SEMA6A: variants seen among roughly 807,000 people sequenced by gnomAD.
The protein encoded by SEMA6A is semaphorin-6A.
Under a neutral mutation model 96.8 loss-of-function variants are expected in SEMA6A, and 25 were observed. The observed-to-expected ratio is 0.26, with a 90% CI of 0.19 to 0.36. The LOEUF is 0.36. Among genes scored for constraint, SEMA6A ranks in the 10% least tolerant of loss-of-function variants. The pLI, the probability that SEMA6A is intolerant of heterozygous loss-of-function variation, is 1.00. For missense variants in SEMA6A, 1,363 were observed against 1,323.1 expected, an observed-to-expected ratio of 1.03 and a Z score of -0.47; for synonymous variants, 612 against 518.0, an observed-to-expected ratio of 1.18 and a Z score of -2.46.
chr5:116,449,263 G>A (rs566723596), intron 18 of SEMA6A: 3 of 701,698 alleles, frequency 4.3e-6, no homozygotes, highest in East Asian at 2.7e-5. Flanking sequence ...CATGGGCTGA[G>A]GAAATGTAAA....
Position 116,446,049 on chromosome 5 carries a change from T to C in SEMA6A, c.*564A>G, listed in dbSNP as rs1356275496. ...ACACTGGCGGGCATTTCACAGTATT[T>C]GCGCATAGTAAACTTCTGCCATTGT... On this transcript the variant is annotated 3_prime_UTR_variant, in exon 19 of 19. Coordinates refer to ENST00000343348, the MANE Select transcript of SEMA6A (RefSeq NM_020796.5). 1 of 152,708 alleles carries C rather than the reference T, an allele frequency of 6.5e-6. No homozygotes were observed. The highest frequency in any genetic ancestry group is 1.5e-5 in the Non-Finnish European group (1 of 68,070). 9.5% of individuals were successfully genotyped at this position (152,708 alleles called of 1,614,324 possible). A position where few individuals can be genotyped will look rare whatever the true frequency, so the allele number is the denominator to read the frequency against.
chr5:116,572,834 G>A (rs1443403094), intron 1 of SEMA6A, among the ~76,000 whole-genome samples: 1 of 152,210 alleles, frequency 6.6e-6, no homozygotes, highest in Non-Finnish European at 1.5e-5. Context: ...CACATGCTGA[G>A]CCCCAGTCCG....
At chr5:116,463,230 A>G (rs946428754) in intron 18 of SEMA6A, among the ~76,000 whole-genome samples, 1 of 152,188 alleles carries the variant, frequency 6.6e-6, no homozygotes, top group Non-Finnish European at 1.5e-5. Flanking sequence ...AGACTGAAAG[A>G]GCATTGAAAA....
In SEMA6A at chr5:116,488,253, C is replaced by G. The variant is rs189473268; in HGVS notation, c.656-57G>C. 4 of 1,161,706 alleles carry G rather than the reference C, an allele frequency of 3.4e-6. No individual in the cohort carries two copies. The Admixed American group carries it at 7.7e-5, about 22-fold the overall frequency. The allele number at this position is 1,161,706 out of a possible 1,614,324, so 72.0% of individuals were successfully genotyped here. On this transcript the variant is annotated intron_variant, in intron 8 of 18. Transcript: ENST00000343348. The stretch of plus-strand genomic sequence containing the variant: ...ATGTCAAACAGAGTTAACAGAATTT[C>G]AATCAAGTGTAGCCAAAGACATGTT...
At chr5:116,557,794 T>C (rs1474472139) in intron 1 of SEMA6A, among the ~76,000 whole-genome samples, 1 of 152,182 alleles carries the variant, frequency 6.6e-6, no homozygotes, top group Admixed American at 6.5e-5. Flanking sequence ...GCTGACTAGA[T>C]GGTAGCATTC....
At chr5:116,551,916 C>T (rs1201771796) in intron 1 of SEMA6A, among the ~76,000 whole-genome samples, 2 of 152,312 alleles carry the variant, frequency 1.3e-5, no homozygotes, top group African/African-American at 4.8e-5. Flanking sequence ...TGACAGCTAT[C>T]GTAGGACTTT....
rs1402657835 is a variant in SEMA6A at position 116,475,580 on chromosome 5, T to C, written c.1673A>G (p.Glu558Gly). 1 of 1,604,226 alleles carries C rather than the reference T, an allele frequency of 6.2e-7. No homozygotes were observed. Among genetic ancestry groups the C allele is most frequent in the Non-Finnish European group, 8.5e-7 (1 of 1,175,298 alleles). The change falls in exon 16 of 19, where the codon GAG becomes GGG. Residue 558 changes from glutamate to glycine, a missense_variant. This residue lies in a region of SEMA6A where 883 missense variants were observed against 763.6 expected (regional missense o/e 1.16). Coordinates refer to ENST00000343348, the MANE Select transcript of SEMA6A (RefSeq NM_020796.5). ...CCCCAGACCATCTGTATTGCCACGCTCTATGTCCTGCTCAAAAGTCAGTCT... is the reference window on the plus strand; with the variant it reads ...CCCCAGACCATCTGTATTGCCACGCCCTATGTCCTGCTCAAAAGTCAGTCT... The part of the protein sequence containing the change: ...NSRLTFEQDI[E>G]RGNTDGLGDC...
At chr5:116,566,997 C>G (rs762935625) in intron 1 of SEMA6A, among the ~76,000 whole-genome samples, 3 of 152,284 alleles carry the variant, frequency 2.0e-5, no homozygotes, top group Non-Finnish European at 4.4e-5. Context: ...TTCAACTCAT[C>G]CCTAAAATTG....
At chr5:116,538,053 T>A in intron 1 of SEMA6A, among the ~76,000 whole-genome samples, 1 of 152,182 alleles carries the variant, frequency 6.6e-6, no homozygotes, top group East Asian at 1.9e-4. Context: ...CGCATGCCTG[T>A]AATCTCAGCT....
chr5:116,503,229 A>C (rs1757977332), intron 2 of SEMA6A, among the ~76,000 whole-genome samples: 3 of 152,268 alleles, frequency 2.0e-5, no homozygotes, highest in South Asian at 4.1e-4. Context: ...TGGGGGTGTA[A>C]ATGATGACTA....
rs1754309557 is a variant in SEMA6A, at chr5:116,447,505, G to C, written c.2201C>G (p.Thr734Ser). The C allele has an allele frequency of 1.2e-6, 2 of 1,613,980 alleles. No individual in the cohort carries two copies. Among genetic ancestry groups the C allele is most frequent in the African/African-American group, 1.3e-5 (1 of 74,954 alleles). ...GAGCATCTTGGCCGTGTTGCCGGGA[G>C]TGGCGAGCTTGCCGTTGTGCATGAG... is the stretch of plus-strand genomic sequence containing the variant. ...TPLMHNGKLA[T>S]PGNTAKMLIK... is the part of the protein sequence containing the mutation. Residue 734 changes from threonine to serine, a missense_variant, in exon 19 of 19, where the codon ACT (threonine) becomes AGT (serine). Transcript: ENST00000343348.
At chr5:116,449,248 C>A (rs1754476039) in intron 18 of SEMA6A, 2 of 698,348 alleles carry the variant, frequency 2.9e-6, no homozygotes. Context: ...ACATTAGAGG[C>A]ACTGCATGGG....
intron 18 of SEMA6A, among the ~76,000 whole-genome samples, chr5:116,456,893 C>T (rs1472589375): frequency 6.6e-6 from 1 of 152,166 alleles, no homozygotes; most frequent in African/African-American, 2.4e-5. Flanking sequence ...TAGGGGATGC[C>T]AAAATCTTTA....
At chr5:116,539,516 T>G (rs1759868615) in intron 1 of SEMA6A, among the ~76,000 whole-genome samples, 1 of 152,152 alleles carries the variant, frequency 6.6e-6, no homozygotes, top group Non-Finnish European at 1.5e-5. Flanking sequence ...TAGGTTGTAC[T>G]CCTGAGAAAT....
intron 18 of SEMA6A, among the ~76,000 whole-genome samples, chr5:116,459,911 A>G (rs558730743): frequency 6.6e-6 from 1 of 152,240 alleles, no homozygotes; most frequent in South Asian, 2.1e-4. Context: ...TGTTTGTTCA[A>G]TTTCTGTTGA....
intron 1 of SEMA6A, among the ~76,000 whole-genome samples, chr5:116,535,506 T>C (rs1480074693): frequency 2.6e-5 from 4 of 152,174 alleles, no homozygotes; most frequent in African/African-American, 7.2e-5. Flanking sequence ...TTTGAATGAT[T>C]AGAAACTGTG....
chr5:116,570,406 A>T (rs543729090), intron 1 of SEMA6A, among the ~76,000 whole-genome samples: 1 of 152,206 alleles, frequency 6.6e-6, no homozygotes, highest in Non-Finnish European at 1.5e-5. Context: ...CTTCCTCAAC[A>T]TGCACAAATG....
At chr5:116,464,859 T>C (rs1382863065) in intron 18 of SEMA6A, among the ~76,000 whole-genome samples, 1 of 151,988 alleles carries the variant, frequency 6.6e-6, no homozygotes, top group African/African-American at 2.4e-5. Context: ...ATCTGCAGAG[T>C]AGAGCCATGG....
rs1757540194 is a variant in SEMA6A, at chr5:116,495,347, G to C, written c.444+66C>G. On this transcript the variant is annotated intron_variant, in intron 6 of 18. Coordinates refer to ENST00000343348, the MANE Select transcript of SEMA6A (RefSeq NM_020796.5). ...AATTACCCCTCTTAGGTTGCTGCAG[G>C]TACAATCACAGTAAATTATGAAATG... 1.8e-5 allele frequency: 21 copies of C among 1,190,294 alleles called. 1 individual carries two copies. In the South Asian group the frequency reaches 2.3e-4, roughly 13 times the overall value. The allele number at this position is 1,190,294 out of a possible 1,614,324, so 73.7% of individuals were successfully genotyped here.
Sources: gnomAD v4.1 joint callset for allele counts (sites outside exome capture counted in the v4.1 genomes callset) on GRCh38, gnomAD v4.1.1 for gene constraint, gnomAD v4.1.1 regional missense constraint, MANE v1.5 for transcripts, NCBI Gene and HGNC (gene_info 2026-07-23, HGNC 2026-07-21) for gene names.